The following L3MBTL4 variants were observed in gnomAD, a reference collection of about 807,000 sequenced individuals.
The protein encoded by L3MBTL4 is lethal(3)malignant brain tumor-like protein 4.
L3MBTL4 carries 70 observed loss-of-function variants against 84.5 expected under a neutral mutation model. The ratio of observed to expected loss-of-function variants is 0.83; its 90% confidence interval spans 0.68 to 1.01. The LOEUF is 1.01. L3MBTL4 is among the 50% of genes least tolerant of loss of function. L3MBTL4 has a pLI of 0.00. For missense variants in L3MBTL4, 715 were observed against 754.8 expected (o/e 0.95, Z 0.62); for synonymous variants, 274 against 259.8 (o/e 1.05, Z -0.52).
chr18:5,965,992 C>G (rs144527118), intron 17 of L3MBTL4, among the ~76,000 whole-genome samples: 2 of 152,252 alleles, frequency 1.3e-5, no homozygotes, highest in East Asian at 3.9e-4. Context: ...AAGGCCTCTC[C>G]CAGCAGCAAG....
chr18:6,002,546 A>T (rs2054257877), intron 16 of L3MBTL4, among the ~76,000 whole-genome samples: 1 of 152,126 alleles, frequency 6.6e-6, no homozygotes, highest in East Asian at 1.9e-4. Context: ...GTAACTGAAA[A>T]GTAGTGAGAA....
At chr18:6,032,502 C>G (rs1182191032) in intron 16 of L3MBTL4, among the ~76,000 whole-genome samples, 1 of 151,552 alleles carries the variant, frequency 6.6e-6, no homozygotes, top group African/African-American at 2.4e-5. Flanking sequence ...ACATGGGGTC[C>G]TTTGTACTGT....
At chr18:6,265,499 T>G (rs1396201409) in intron 4 of L3MBTL4, among the ~76,000 whole-genome samples, 2 of 152,208 alleles carry the variant, frequency 1.3e-5, no homozygotes, top group Non-Finnish European at 2.9e-5. Flanking sequence ...GGAAGGAGGT[T>G]AAAGAAACTA....
At chr18:6,397,521 T>C (rs1003157946) in intron 1 of L3MBTL4, 7 of 152,238 alleles carry the variant, frequency 4.6e-5, no homozygotes, top group African/African-American at 1.7e-4. Flanking sequence ...CTGTTCACAG[T>C]GTGGTATCGT....
intron 13 of L3MBTL4, among the ~76,000 whole-genome samples, chr18:6,165,755 G>T (rs2043617183): frequency 2.6e-5 from 4 of 152,160 alleles, no homozygotes; most frequent in Admixed American, 1.3e-4. Context: ...ATCAAGGCTA[G>T]GAAGAAACTG....
chr18:6,238,081 A>G, intron 9 of L3MBTL4, 41 bp from the exon 10 acceptor site: 1 of 1,542,250 alleles, frequency 6.5e-7, no homozygotes, highest in East Asian at 2.2e-5. Context: ...GTTTTACTTC[A>G]TGCCAGAGAA....
intron 1 of L3MBTL4, among the ~76,000 whole-genome samples, chr18:6,403,947 C>T (rs1375404290): frequency 6.6e-6 from 1 of 152,170 alleles, no homozygotes; most frequent in Non-Finnish European, 1.5e-5. Flanking sequence ...GGCTTTGCTG[C>T]AACTTGGATG....
At chr18:6,265,039 A>G (rs953839715) in intron 4 of L3MBTL4, among the ~76,000 whole-genome samples, 1 of 152,262 alleles carries the variant, frequency 6.6e-6, no homozygotes, top group Non-Finnish European at 1.5e-5. Flanking sequence ...GAGAAGGACT[A>G]TGTAATGATA....
intron 12 of L3MBTL4, among the ~76,000 whole-genome samples, chr18:6,172,745 T>C (rs1441745051): frequency 6.6e-6 from 1 of 152,204 alleles, no homozygotes; most frequent in Non-Finnish European, 1.5e-5. Flanking sequence ...AAATAATTAT[T>C]TCTTTTAAAA....
chr18:6,008,120 C>G (rs2054573233), intron 16 of L3MBTL4, among the ~76,000 whole-genome samples: 1 of 152,180 alleles, frequency 6.6e-6, no homozygotes, highest in Admixed American at 6.5e-5. Flanking sequence ...CTGGAGAAAT[C>G]ATAAGGAAAT....
intron 12 of L3MBTL4, among the ~76,000 whole-genome samples, chr18:6,198,816 A>G (rs1299785915): frequency 6.6e-6 from 1 of 152,218 alleles, no homozygotes; most frequent in Non-Finnish European, 1.5e-5. Flanking sequence ...AATAGTTACT[A>G]AACTACTGAA....
At chr18:6,247,347 G>A (rs917079006) in intron 5 of L3MBTL4, among the ~76,000 whole-genome samples, 1 of 151,926 alleles carries the variant, frequency 6.6e-6, no homozygotes, top group African/African-American at 2.4e-5. Context: ...GTCTAGGGTC[G>A]GATGTTACGA....
intron 16 of L3MBTL4, among the ~76,000 whole-genome samples, chr18:6,066,494 C>G (rs1208587828): frequency 6.6e-6 from 1 of 152,044 alleles, no homozygotes; most frequent in Non-Finnish European, 1.5e-5. Context: ...TACCTTATTT[C>G]TTGGGTCTAG....
rs1380030802 is a variant in L3MBTL4 at position 6,353,138 on chromosome 18, C to G, written c.-90-41082G>C. 2.0e-5 allele frequency among the ~76,000 whole-genome samples: 3 copies of G among 152,160 alleles called. No individual in the cohort carries two copies. In the East Asian group the frequency reaches 5.8e-4, roughly 29 times the overall value. ...ACATATTTTGTCTCTATTAAATACA[C>G]ACTTGAAAAACTATGGTGGAAAATA... On this transcript the variant is annotated intron_variant, in intron 1 of 18. Coordinates refer to ENST00000317931, the MANE Select transcript of L3MBTL4 (RefSeq NM_001330559.2).
chr18:6,221,964 T>C (rs916434140), intron 10 of L3MBTL4, among the ~76,000 whole-genome samples: 3 of 152,218 alleles, frequency 2.0e-5, no homozygotes, highest in Admixed American at 6.5e-5. Flanking sequence ...TGGTCACTAA[T>C]TGTCTTGTAT....
At chr18:6,096,759 A>G (rs968752775) in intron 14 of L3MBTL4, among the ~76,000 whole-genome samples, 3 of 152,222 alleles carry the variant, frequency 2.0e-5, no homozygotes, top group Non-Finnish European at 2.9e-5. Context: ...CTGTTCTGAC[A>G]TAGTCTCTTC....
chr18:6,017,163 C>T (rs575558208), intron 16 of L3MBTL4, among the ~76,000 whole-genome samples: 5 of 152,352 alleles, frequency 3.3e-5, no homozygotes, highest in African/African-American at 1.2e-4. Flanking sequence ...TGGCCACAAG[C>T]ATTCAGCATC....
chr18:6,177,307 T>G (rs2044266726), intron 12 of L3MBTL4, among the ~76,000 whole-genome samples: 1 of 152,152 alleles, frequency 6.6e-6, no homozygotes, highest in African/African-American at 2.4e-5. Context: ...GATAAACTGT[T>G]TACACATGCA....
chr18:6,335,905 C>T (rs1263967526), intron 1 of L3MBTL4, among the ~76,000 whole-genome samples: 2 of 152,192 alleles, frequency 1.3e-5, no homozygotes, highest in Non-Finnish European at 1.5e-5. Context: ...TACCCAGTCT[C>T]AGGTAATATC....
Sources: allele counts gnomAD v4.1 joint callset (sites outside exome capture counted in the v4.1 genomes callset), GRCh38; gene constraint gnomAD v4.1.1; transcripts MANE v1.5; gene names NCBI Gene and HGNC (gene_info 2026-07-23, HGNC 2026-07-21).